The following MAGI2 variants were observed in gnomAD, a reference collection of about 807,000 sequenced individuals.
MAGI2 encodes the protein membrane associated guanylate kinase, WW and PDZ domain containing 2.
A neutral mutation model predicts 133.3 loss-of-function variants in MAGI2; 35 were observed. The observed-to-expected ratio is 0.26, with a 90% CI of 0.20 to 0.35. The LOEUF (loss-of-function observed/expected upper bound fraction) is 0.35, where lower values mean the gene tolerates loss of function less well. Among genes scored for constraint, MAGI2 ranks in the 10% least tolerant of loss-of-function variants. The probability of loss-of-function intolerance (pLI) is 1.00; values close to 1 mark genes in which losing one functional copy is unlikely to be tolerated. For missense variants in MAGI2, 1,636 were observed against 1,863.4 expected (o/e 0.88, Z 2.25); for synonymous variants, 729 against 710.6 (o/e 1.03, Z -0.41).
intron 1 of MAGI2, among the ~76,000 whole-genome samples, chr7:79,180,129 G>C (rs565139620): frequency 1.3e-5 from 2 of 152,096 alleles, no homozygotes; most frequent in Admixed American, 6.5e-5. Flanking sequence ...TCTTTCAAAA[G>C]AGACATATAA....
intron 1 of MAGI2, among the ~76,000 whole-genome samples, chr7:79,042,560 G>A (rs1811769778): frequency 6.6e-6 from 1 of 152,262 alleles, no homozygotes; most frequent in South Asian, 2.1e-4. Context: ...AAATATATAT[G>A]CATGCAACAC....
At chr7:79,059,030 T>C (rs1485336719) in intron 1 of MAGI2, among the ~76,000 whole-genome samples, 1 of 152,130 alleles carries the variant, frequency 6.6e-6, no homozygotes, top group Non-Finnish European at 1.5e-5. Context: ...AACATAAAGA[T>C]ATTTTTAAGC....
chr7:78,276,596 C>T (rs796385083), intron 9 of MAGI2, among the ~76,000 whole-genome samples: 15 of 151,556 alleles, frequency 9.9e-5, no homozygotes, highest in African/African-American at 3.6e-4. Context: ...AGGAAAGATG[C>T]ATGAACACTA....
intron 1 of MAGI2, among the ~76,000 whole-genome samples, chr7:79,179,305 G>A (rs962744523): frequency 4.0e-5 from 6 of 151,740 alleles, no homozygotes; most frequent in East Asian, 1.9e-4. Context: ...TGAACATATA[G>A]TCATGTAATG....
At chr7:79,345,030 A>G (rs1305376298) in intron 1 of MAGI2, among the ~76,000 whole-genome samples, 4 of 152,054 alleles carry the variant, frequency 2.6e-5, no homozygotes, top group African/African-American at 9.7e-5. Context: ...GTCCATATCC[A>G]TCTATTTAAT....
chr7:78,722,603 C>T (rs1358649810), intron 2 of MAGI2, among the ~76,000 whole-genome samples: 2 of 152,066 alleles, frequency 1.3e-5, no homozygotes, highest in Non-Finnish European at 2.9e-5. Flanking sequence ...ACTCTGGCTT[C>T]ATTTTCAGGC....
At chr7:78,944,644 T>A (rs752388798) in intron 2 of MAGI2, among the ~76,000 whole-genome samples, 1 of 152,236 alleles carries the variant, frequency 6.6e-6, no homozygotes, top group South Asian at 2.1e-4. Flanking sequence ...TGGGTACATA[T>A]CTTTGTACCA....
chr7:78,942,571 C>T (rs1222673726), intron 2 of MAGI2, among the ~76,000 whole-genome samples: 7 of 152,038 alleles, frequency 4.6e-5, no homozygotes, highest in African/African-American at 1.7e-4. Flanking sequence ...TTAATAAAAT[C>T]AGGAAGTTGT....
At chr7:78,721,270 T>C (rs1351048386) in intron 2 of MAGI2, among the ~76,000 whole-genome samples, 1 of 152,052 alleles carries the variant, frequency 6.6e-6, no homozygotes. Flanking sequence ...AAAATCACTG[T>C]ATATGTATGT....
intron 9 of MAGI2, among the ~76,000 whole-genome samples, chr7:78,288,561 G>A (rs1796382859): frequency 6.6e-6 from 1 of 152,142 alleles, no homozygotes; most frequent in Non-Finnish European, 1.5e-5. Context: ...TGCAGAAGAT[G>A]GATGATTTCT....
chr7:78,497,738 A>ATCTGTCTGTCTG (rs1297478814), intron 5 of MAGI2, among the ~76,000 whole-genome samples: 1 of 112,866 alleles, frequency 8.9e-6, no homozygotes, highest in Admixed American at 8.2e-5. Flanking sequence ...CTATCTATCT[A>ATCTGTCTGTCTG]TCTATCTATC....
intron 10 of MAGI2, among the ~76,000 whole-genome samples, chr7:78,222,437 T>C (rs1788923196): frequency 6.6e-6 from 1 of 152,194 alleles, no homozygotes; most frequent in South Asian, 2.1e-4. Flanking sequence ...ATCATGCCAT[T>C]TAATCCTCAC....
At chr7:78,569,125 AACACAC>A (rs56351234) in intron 3 of MAGI2, among the ~76,000 whole-genome samples, 8 of 148,094 alleles carry the variant, frequency 5.4e-5, no homozygotes, top group South Asian at 2.1e-4. Flanking sequence ...TGTGCATGCC[AACACAC>A]ACACACACAC....
chr7:78,091,244 T>C (rs1047144708), intron 20 of MAGI2, among the ~76,000 whole-genome samples: 5 of 152,104 alleles, frequency 3.3e-5, no homozygotes, highest in Admixed American at 1.3e-4. Flanking sequence ...TGCAACAGTG[T>C]AGGGAGGCAG....
At chr7:79,356,952 A>T (rs772652046) in intron 1 of MAGI2, among the ~76,000 whole-genome samples, 1 of 152,200 alleles carries the variant, frequency 6.6e-6, no homozygotes, top group Admixed American at 6.5e-5. Context: ...GTCCTCTCAA[A>T]AGAAGAAAAG....
chr7:78,040,905 A>T (rs1416367965), intron 21 of MAGI2, among the ~76,000 whole-genome samples: 2 of 152,202 alleles, frequency 1.3e-5, no homozygotes, highest in Non-Finnish European at 2.9e-5. Flanking sequence ...CGGCTAGATC[A>T]TTCTGGAGTA....
intron 1 of MAGI2, among the ~76,000 whole-genome samples, chr7:79,398,721 T>C (rs1162668377): frequency 6.6e-6 from 1 of 152,226 alleles, no homozygotes; most frequent in Middle Eastern, 3.2e-3. Flanking sequence ...GAAATTTAAA[T>C]GTAGGTTTTC....
intron 3 of MAGI2, among the ~76,000 whole-genome samples, chr7:78,612,017 T>C (rs575471477): frequency 3.6e-4 from 55 of 152,340 alleles, no homozygotes; most frequent in Non-Finnish European, 5.4e-4. Context: ...TATTTTGTTA[T>C]TTTGAGGCAA....
chr7:79,252,701 A>G (rs1002017855), intron 1 of MAGI2, among the ~76,000 whole-genome samples: 2 of 152,192 alleles, frequency 1.3e-5, no homozygotes, highest in Non-Finnish European at 1.5e-5. Context: ...GCCTGTATCA[A>G]TGTATCTCAT....
Sources: allele counts gnomAD v4.1 joint callset (sites outside exome capture counted in the v4.1 genomes callset), GRCh38; gene constraint gnomAD v4.1.1; transcripts MANE v1.5; gene names NCBI Gene and HGNC (gene_info 2026-07-23, HGNC 2026-07-21).